Variants in NPSR1 observed in about 807,000 individuals in gnomAD.
The protein encoded by NPSR1 is neuropeptide S receptor.
Under a neutral mutation model 46.9 loss-of-function variants are expected in NPSR1, and 48 were observed. That is an observed-to-expected ratio of 1.02 (90% CI 0.81 to 1.30). NPSR1 has a LOEUF of 1.30. Among genes scored for constraint, NPSR1 ranks in the 50% most tolerant of loss-of-function variants. NPSR1 has a pLI of 0.00. For missense variants in NPSR1, 450 were observed against 449.5 expected, an observed-to-expected ratio of 1.00 and a Z score of -0.01; for synonymous variants, 176 against 168.1, an observed-to-expected ratio of 1.05 and a Z score of -0.36.
intron 2 of NPSR1, among the ~76,000 whole-genome samples, chr7:34,715,133 C>A (rs987014417): frequency 2.0e-5 from 3 of 152,194 alleles, no homozygotes; most frequent in Admixed American, 6.5e-5. Context: ...CTCTGTCTGG[C>A]TGATGCTTCT....
chr7:34,771,567 A>G (rs1786686120), intron 2 of NPSR1, among the ~76,000 whole-genome samples: 1 of 152,214 alleles, frequency 6.6e-6, no homozygotes, highest in Admixed American at 6.5e-5. Flanking sequence ...GGGCAACCAA[A>G]GAAGGGAATG....
intron 3 of NPSR1, among the ~76,000 whole-genome samples, chr7:34,802,514 T>C (rs1322028263): frequency 4.0e-5 from 6 of 150,384 alleles, no homozygotes; most frequent in Non-Finnish European, 2.9e-5. Context: ...GATAGCCATA[T>C]GTAGAAAGCT....
intron 3 of NPSR1, among the ~76,000 whole-genome samples, chr7:34,804,859 G>A (rs1788613504): frequency 6.6e-6 from 1 of 151,868 alleles, no homozygotes; most frequent in East Asian, 1.9e-4. Flanking sequence ...CTGAAGAATA[G>A]AAGGTTAATA....
intron 1 of NPSR1, among the ~76,000 whole-genome samples, chr7:34,677,926 G>A (rs1176782109): frequency 6.6e-6 from 1 of 152,240 alleles, no homozygotes; most frequent in East Asian, 1.9e-4. Context: ...AGTGAAGACA[G>A]AGCCTCAGTA....
intron 8 of NPSR1, among the ~76,000 whole-genome samples, chr7:34,857,316 C>A (rs1215976398): frequency 1.3e-5 from 2 of 151,436 alleles, no homozygotes; most frequent in Non-Finnish European, 2.9e-5. Flanking sequence ...ACACTGTTGA[C>A]TAAAAAGGAA....
chr7:34,801,697 T>C lies in NPSR1; in HGVS notation c.385-10073T>C, dbSNP rs921739841. On this transcript the variant is annotated intron_variant, in intron 3 of 8. Coordinates refer to ENST00000360581, the MANE Select transcript of NPSR1 (RefSeq NM_207172.2). ...CCTCTCTCACCACTCCTATTCAACA[T>C]AGTGTTGGAAGTTCTGGCCAGGGCA... Among the ~76,000 whole-genome samples, 8 of 147,122 alleles carry C rather than the reference T, an allele frequency of 5.4e-5. 1 individual carries two copies. The highest frequency in any genetic ancestry group is 1.9e-4 in the African/African-American group (7 of 37,364).
chr7:34,728,076 T>G (rs1053382383), intron 2 of NPSR1, among the ~76,000 whole-genome samples: 1 of 151,342 alleles, frequency 6.6e-6, no homozygotes, highest in African/African-American at 2.4e-5. Context: ...GAGGTGTAAG[T>G]TTTTTTTATT....
chr7:34,727,204 T>C (rs1033333520), intron 2 of NPSR1, among the ~76,000 whole-genome samples: 1 of 152,172 alleles, frequency 6.6e-6, no homozygotes, highest in Non-Finnish European at 1.5e-5. Flanking sequence ...TTTTTAATGA[T>C]GCATATTTGC....
In NPSR1 at chr7:34,813,745, T is replaced by C. The variant is rs552095669; in HGVS notation, c.478+1882T>C. Among the ~76,000 whole-genome samples, 5 of 152,356 alleles carry C rather than the reference T, an allele frequency of 3.3e-5. No homozygotes were observed. The East Asian group carries it at 9.6e-4, about 29-fold the overall frequency. On this transcript the variant is annotated intron_variant, in intron 4 of 8. Coordinates refer to ENST00000360581, the MANE Select transcript of NPSR1 (RefSeq NM_207172.2). ...TGACATTTGACCTCACTTCTAGTTA[T>C]GGGAGTTAGACCAGTGGTGTGACCA...
At chr7:34,834,638 T>C (rs1367304784) in intron 6 of NPSR1, among the ~76,000 whole-genome samples, 178 bp downstream of exon 6, 1 of 152,174 alleles carries the variant, frequency 6.6e-6, no homozygotes, top group Non-Finnish European at 1.5e-5. Flanking sequence ...TTCCCCCATG[T>C]GACCTCCCTG....
intron 3 of NPSR1, among the ~76,000 whole-genome samples, chr7:34,787,890 G>A (rs568284006): frequency 3.3e-5 from 5 of 152,022 alleles, no homozygotes; most frequent in African/African-American, 4.8e-5. Context: ...CTTAATGGAC[G>A]TAATAATAAC....
At chr7:34,874,341 G>A (rs1273982444) in intron 8 of NPSR1, among the ~76,000 whole-genome samples, 2 of 152,114 alleles carry the variant, frequency 1.3e-5, no homozygotes, top group East Asian at 1.9e-4. Flanking sequence ...AAAACATAGT[G>A]GTGTCATATT....
intron 1 of NPSR1, among the ~76,000 whole-genome samples, chr7:34,682,157 G>C: frequency 6.6e-6 from 1 of 152,184 alleles, no homozygotes; most frequent in East Asian, 1.9e-4. Flanking sequence ...TGCTTCCCTA[G>C]AAGACTCAGA....
chr7:34,658,382 A>G lies in NPSR1; in HGVS notation c.-31A>G, dbSNP rs758819693. The G allele has an allele frequency of 6.2e-7, 1 of 1,611,766 alleles. No homozygotes were observed. The highest frequency in any genetic ancestry group is 1.1e-5 in the South Asian group (1 of 90,910). ...GACTCCCTCACTCAGCTGCAGGAGCAAGGACAGTGAGGCTCAACCCCGCCT... is the reference window on the plus strand; with the variant it reads ...GACTCCCTCACTCAGCTGCAGGAGCGAGGACAGTGAGGCTCAACCCCGCCT... On this transcript the variant is annotated 5_prime_UTR_variant, in exon 1 of 9. Transcript: ENST00000360581.
intron 2 of NPSR1, among the ~76,000 whole-genome samples, chr7:34,776,126 G>A (rs1562718633): frequency 6.6e-6 from 1 of 152,118 alleles, no homozygotes; most frequent in East Asian, 1.9e-4. Context: ...TTGTTTTAAT[G>A]TTTTCAGGCT....
chr7:34,850,627 C>T (rs981868835), downstream of NPSR1, among the ~76,000 whole-genome samples: 2 of 152,092 alleles, frequency 1.3e-5, no homozygotes, highest in African/African-American at 4.8e-5. Flanking sequence ...GTCTCAATCT[C>T]CTGACCTCGT....
Position 34,845,529 on chromosome 7 carries a change from C to A in NPSR1, c.844+547C>A. Reference sequence around the variant, plus strand: ...GAAATGCTCTGCTCTCCGGTGGTGCCCCGGCTTACTTCCTAATCTCATTTG... The same window carrying A: ...GAAATGCTCTGCTCTCCGGTGGTGCACCGGCTTACTTCCTAATCTCATTTG... On this transcript the variant is annotated intron_variant, in intron 7 of 8. Coordinates refer to ENST00000360581, the MANE Select transcript of NPSR1 (RefSeq NM_207172.2). 4 of 455,038 alleles carry A rather than the reference C, an allele frequency of 8.8e-6. No homozygotes were observed. In the Admixed American group the frequency reaches 9.4e-5, roughly 11 times the overall value. 28.2% of individuals were successfully genotyped at this position (455,038 alleles called of 1,614,324 possible).
At chr7:34,835,035 C>T (rs186288669) in intron 6 of NPSR1, among the ~76,000 whole-genome samples, 5 of 152,338 alleles carry the variant, frequency 3.3e-5, no homozygotes, top group East Asian at 3.9e-4. Context: ...CAGAGCCTCT[C>T]GTATGCAATA....
chr7:34,669,445 C>A, intron 1 of NPSR1, among the ~76,000 whole-genome samples: 1 of 152,058 alleles, frequency 6.6e-6, no homozygotes, highest in South Asian at 2.1e-4. Flanking sequence ...TGCCTGCAGT[C>A]CCAGCCACTC....
Sources: allele counts gnomAD v4.1 joint callset (sites outside exome capture counted in the v4.1 genomes callset), GRCh38; gene constraint gnomAD v4.1.1; transcripts MANE v1.5; gene names NCBI Gene and HGNC (gene_info 2026-07-23, HGNC 2026-07-21).